The following GRIN2B variants were observed in gnomAD, a reference collection of about 807,000 sequenced individuals.
The protein encoded by GRIN2B is glutamate ionotropic receptor NMDA type subunit 2B, also known as glutamate receptor ionotropic, NMDA 2B.
Under a neutral mutation model 114.5 loss-of-function variants are expected in GRIN2B, and 5 were observed. The observed-to-expected ratio is 0.04, with a 90% CI of 0.02 to 0.09. GRIN2B has a LOEUF of 0.09. Ranked by LOEUF, GRIN2B falls within the 10% of genes least tolerant of loss-of-function variation. The pLI is 1.00. For synonymous variants in GRIN2B, 787 were observed against 745.1 expected (o/e 1.06, Z -0.92); for missense variants, 1,108 against 1,943.5 (o/e 0.57, Z 8.08).
chr12:13,843,028 TA>T (rs1865409057), intron 3 of GRIN2B, among the ~76,000 whole-genome samples: 1 of 26,700 alleles, frequency 3.7e-5, no homozygotes, highest in African/African-American at 1.4e-4. Flanking sequence ...AATTTTTTAT[TA>T]TTTATTTATT....
intron 10 of GRIN2B, among the ~76,000 whole-genome samples, chr12:13,588,599 G>T (rs1433745703): frequency 6.6e-6 from 1 of 152,190 alleles, no homozygotes; most frequent in African/African-American, 2.4e-5. Context: ...AAACCACACT[G>T]CACTAGAACT....
At chr12:13,975,755 G>A (rs1452275630) in intron 2 of GRIN2B, among the ~76,000 whole-genome samples, 4 of 152,188 alleles carry the variant, frequency 2.6e-5, no homozygotes, top group Non-Finnish European at 5.9e-5. Context: ...CCCTTGAGGA[G>A]TGCACAAACT....
At chr12:13,792,485 T>A (rs1453420274) in intron 3 of GRIN2B, among the ~76,000 whole-genome samples, 1 of 152,188 alleles carries the variant, frequency 6.6e-6, no homozygotes, top group Non-Finnish European at 1.5e-5. Context: ...CATTAAAACC[T>A]TTAGGAGATA....
At chr12:13,883,717 A>G (rs1866103708) in intron 2 of GRIN2B, among the ~76,000 whole-genome samples, 1 of 152,054 alleles carries the variant, frequency 6.6e-6, no homozygotes, top group Non-Finnish European at 1.5e-5. Flanking sequence ...GTATTTTATA[A>G]ATATTTTCTC....
chr12:13,595,785 GC>G (rs1251077598), intron 10 of GRIN2B, among the ~76,000 whole-genome samples: 1 of 152,218 alleles, frequency 6.6e-6, no homozygotes, highest in Non-Finnish European at 1.5e-5. Flanking sequence ...AGCGCCTCTT[GC>G]CTGTTCAGGC....
intron 10 of GRIN2B, among the ~76,000 whole-genome samples, chr12:13,607,209 T>TAAA (rs1299330753): frequency 1.8e-5 from 2 of 110,124 alleles, no homozygotes; most frequent in Non-Finnish European, 3.4e-5. Flanking sequence ...ATATAATATA[T>TAAA]AAAATATATA....
intron 10 of GRIN2B, among the ~76,000 whole-genome samples, chr12:13,600,397 G>A (rs1167030647): frequency 6.6e-6 from 1 of 152,152 alleles, no homozygotes; most frequent in Non-Finnish European, 1.5e-5. Flanking sequence ...ACGCACATGG[G>A]AAACCTGTGT....
chr12:13,756,122 C>A (rs58125071), intron 3 of GRIN2B, among the ~76,000 whole-genome samples: 29,829 of 152,092 alleles, frequency 0.2, 3,165 homozygotes, highest in Non-Finnish European at 0.24. Context: ...GGTTCAAGCA[C>A]TCTCTGCCTC....
intron 5 of GRIN2B, among the ~76,000 whole-genome samples, chr12:13,633,742 T>TAAG (rs1372098990): frequency 6.6e-6 from 1 of 152,210 alleles, no homozygotes; most frequent in African/African-American, 2.4e-5. Flanking sequence ...TAATAGTTAA[T>TAAG]AAGAAGATGC....
chr12:13,700,899 A>ACATTTC (rs1950305680), intron 4 of GRIN2B, among the ~76,000 whole-genome samples: 2 of 152,220 alleles, frequency 1.3e-5, no homozygotes, highest in Non-Finnish European at 2.9e-5. Context: ...GAGTTTGGTG[A>ACATTTC]GGTGTATTAA....
At chr12:13,725,256 T>C (rs1207106635) in intron 4 of GRIN2B, among the ~76,000 whole-genome samples, 2 of 151,938 alleles carry the variant, frequency 1.3e-5, no homozygotes, top group Admixed American at 1.3e-4. Flanking sequence ...CACCAGATTG[T>C]GTCATTTTGA....
intron 3 of GRIN2B, among the ~76,000 whole-genome samples, chr12:13,812,427 T>G (rs1038932206): frequency 6.6e-6 from 1 of 152,166 alleles, no homozygotes; most frequent in Non-Finnish European, 1.5e-5. Context: ...TTTCCCACTA[T>G]GTATTCTCCC....
intron 2 of GRIN2B, among the ~76,000 whole-genome samples, chr12:13,970,973 C>T (rs970911816): frequency 1.3e-5 from 2 of 152,152 alleles, no homozygotes; most frequent in East Asian, 1.9e-4. Flanking sequence ...GGAAGAACCA[C>T]GAATCACAAA....
intron 4 of GRIN2B, among the ~76,000 whole-genome samples, chr12:13,695,614 G>C (rs1950253029): frequency 6.6e-6 from 1 of 152,156 alleles, no homozygotes; most frequent in African/African-American, 2.4e-5. Flanking sequence ...CGGAGTCAGG[G>C]TGGGCAGAAG....
intron 4 of GRIN2B, among the ~76,000 whole-genome samples, chr12:13,701,776 C>A (rs1475929075): frequency 6.6e-6 from 1 of 152,194 alleles, no homozygotes; most frequent in Non-Finnish European, 1.5e-5. Context: ...TTGCTTCAAG[C>A]ATAGCACTCA....
At chr12:13,857,262 T>C (rs764792302) in intron 3 of GRIN2B, among the ~76,000 whole-genome samples, 2 of 152,200 alleles carry the variant, frequency 1.3e-5, no homozygotes, top group African/African-American at 2.4e-5. Flanking sequence ...ACAGTGATAG[T>C]TGATATTTTG....
At chr12:13,762,015 T>G (rs998272819) in intron 3 of GRIN2B, among the ~76,000 whole-genome samples, 1 of 152,146 alleles carries the variant, frequency 6.6e-6, no homozygotes, top group African/African-American at 2.4e-5. Flanking sequence ...AATCTTTTTC[T>G]TTTTTTGGAA....
At chr12:13,569,554 A>G (rs916624429) in intron 12 of GRIN2B, among the ~76,000 whole-genome samples, 10 of 152,104 alleles carry the variant, frequency 6.6e-5, no homozygotes, top group African/African-American at 2.4e-4. Context: ...TCCCTTGCAG[A>G]CCCCGGAAGA....
intron 3 of GRIN2B, among the ~76,000 whole-genome samples, chr12:13,757,572 T>A (rs981610234): frequency 1.3e-5 from 2 of 152,208 alleles, no homozygotes; most frequent in East Asian, 3.9e-4. Flanking sequence ...CTAATGTCAT[T>A]ACAAAATGTT....
Sources: gnomAD v4.1 joint callset for allele counts (sites outside exome capture counted in the v4.1 genomes callset) on GRCh38, gnomAD v4.1.1 for gene constraint, MANE v1.5 for transcripts, NCBI Gene and HGNC (gene_info 2026-07-23, HGNC 2026-07-21) for gene names.